The following CAPN12 variants were observed in gnomAD, a reference collection of about 807,000 sequenced individuals.
The protein encoded by CAPN12 is calpain 12.
In CAPN12, 107 loss-of-function variants were observed where a neutral mutation model predicts 95.0. The observed-to-expected ratio is 1.13, with a 90% CI of 0.96 to 1.32. The LOEUF (loss-of-function observed/expected upper bound fraction) is 1.32. Among genes scored for constraint, CAPN12 ranks in the 40% most tolerant of loss-of-function variants. The pLI, the probability that CAPN12 is intolerant of heterozygous loss-of-function variation, is 0.00. For synonymous variants in CAPN12, 505 were observed against 415.5 expected, an observed-to-expected ratio of 1.22 and a Z score of -2.62; for missense variants, 1,136 against 997.8, an observed-to-expected ratio of 1.14 and a Z score of -1.87.
In CAPN12 at chr19:38,740,188, C is replaced by T. The variant is rs541904434; in HGVS notation, c.592G>A (p.Gly198Ser). 4.8e-5 allele frequency: 78 copies of T among 1,611,040 alleles called. No individual in the cohort carries two copies. In the South Asian group the frequency reaches 5.0e-4, roughly 10 times the overall value. Residue 198 changes from glycine (G) to serine (S), a missense_variant, in exon 5 of 21, where the codon GGC (glycine) becomes AGC (serine). Gly to Ser is a moderately conservative substitution (Grantham distance 56). Transcript: ENST00000328867. ...LHGSYEVMRG[G>S]HMNEAFVDFT... ...TCCACAAAAGCCTCATTCATGTGGC[C>T]GCCCCGCATCACCTCATAGGAGCCG...
At position 38,735,421 on chromosome 19, in the gene CAPN12, G is replaced by GTT. The variant is rs1969956066; in HGVS notation, c.1634_1635insAA (p.Tyr545Ter). ...SADLQSLQGP[Y>*]LPLELGLEQL... is the part of the protein sequence containing the mutation. The stretch of plus-strand genomic sequence containing the variant: ...GCTCCAACCCCAGCTCCAGGGGCAG[G>GTT]TAGGGGCCCTGCCGCATGGCGGAAG... The change falls in exon 14 of 21, where the codon TAC becomes TAAAC. Residue 545 changes from tyrosine to a stop codon, truncating the protein, a stop_gained and frameshift_variant. Transcript: ENST00000328867. LOFTEE classifies it high-confidence loss of function. 6.2e-7 allele frequency: 1 copy of GTT among 1,610,748 alleles called. No individual in the cohort carries two copies. Among genetic ancestry groups the GTT allele is most frequent in the Non-Finnish European group, 8.5e-7 (1 of 1,178,964 alleles).
Position 38,743,433 on chromosome 19 carries a change from G to A in CAPN12, c.238-331C>T, listed in dbSNP as rs7507791. 9.8e-4 allele frequency among the ~76,000 whole-genome samples: 99 copies of A among 101,196 alleles called. 1 individual carries two copies. The highest frequency in any genetic ancestry group is 3.5e-3 in the African/African-American group (95 of 26,940). 66.4% of individuals were successfully genotyped at this position (101,196 alleles called of 152,430 possible). A position where few individuals can be genotyped will look rare whatever the true frequency, so the allele number is the denominator to read the frequency against. The stretch of plus-strand genomic sequence containing the variant: ...AGCCCCTCCTCCCTCAGACCCAGGA[G>A]TCCAGGCCCAGCCCCTCCTCCCTCA... On this transcript the variant is annotated intron_variant, in intron 1 of 20. Coordinates refer to ENST00000328867, the MANE Select transcript of CAPN12 (RefSeq NM_144691.4).
At position 38,743,954 on chromosome 19, in the gene CAPN12, T is replaced by C; in HGVS notation, c.212A>G (p.Lys71Arg). ...DQLGPDSEKA[K>R]GVKWMRPHEF... ...ATGGGGCCTCATCCATTTCACGCCTTTGGCCTTCTCCGAGTCCGGCCCCAG... is the reference window on the plus strand; with the variant it reads ...ATGGGGCCTCATCCATTTCACGCCTCTGGCCTTCTCCGAGTCCGGCCCCAG... Residue 71 changes from lysine to arginine, a missense_variant, in exon 1 of 21, where the codon AAA (lysine) becomes AGA (arginine). By Grantham distance (26) the Lys-to-Arg change is conservative (BLOSUM62 2). Coordinates refer to ENST00000328867, the MANE Select transcript of CAPN12 (RefSeq NM_144691.4). 2 of 1,614,198 alleles carry C rather than the reference T, an allele frequency of 1.2e-6. No homozygotes were observed. The highest frequency in any genetic ancestry group is 8.5e-7 in the Non-Finnish European group (1 of 1,180,028).
rs770935208 is a variant in CAPN12 at position 38,731,083 on chromosome 19, C to T, written c.2074+24G>A. 48 of 1,097,534 alleles carry T rather than the reference C, an allele frequency of 4.4e-5. No individual in the cohort carries two copies. In the South Asian group the frequency reaches 6.9e-4, roughly 16 times the overall value. The allele number at this position is 1,097,534 out of a possible 1,614,324, so 68.0% of individuals were successfully genotyped here. A position where few individuals can be genotyped will look rare whatever the true frequency, so the allele number is the denominator to read the frequency against. Reference sequence around the variant, plus strand: ...TCCCCGTACCCCTTCCCCCCATGCCCCACCATGCCGGGGTGGTACTCACAG... The same window carrying T: ...TCCCCGTACCCCTTCCCCCCATGCCTCACCATGCCGGGGTGGTACTCACAG... On this transcript the variant is annotated intron_variant, in intron 19 of 20. Transcript: ENST00000328867.
rs571512600 is a variant in CAPN12 at position 38,744,245 on chromosome 19, C to A, written c.-80G>T. On this transcript the variant is annotated 5_prime_UTR_variant, in exon 1 of 21. Transcript: ENST00000328867. ...GGGCGGGGCCTCTCTTCCATTGGAG[C>A]CCCAGTGGGGTCTTTAGGCAATGAG... is the stretch of plus-strand genomic sequence containing the variant. 5 of 1,336,806 alleles carry A rather than the reference C, an allele frequency of 3.7e-6. No individual in the cohort carries two copies. Among genetic ancestry groups the A allele is most frequent in the Non-Finnish European group, 5.3e-6 (5 of 938,820 alleles). 82.8% of individuals were successfully genotyped at this position (1,336,806 alleles called of 1,614,324 possible). A position where few individuals can be genotyped will look rare whatever the true frequency, so the allele number is the denominator to read the frequency against.
chr19:38,736,015 GGGGGT>G (rs1970101586), intron 12 of CAPN12, 90 bp downstream of exon 12: 1 of 51,362 alleles, frequency 1.9e-5, no homozygotes, highest in East Asian at 2.5e-4. Flanking sequence ...GTCAGGTCTC[GGGGGT>G]CTCGGGGGTC....
chr19:38,740,727 G>A (rs564504090), intron 4 of CAPN12, among the ~76,000 whole-genome samples: 2 of 152,066 alleles, frequency 1.3e-5, no homozygotes, highest in Non-Finnish European at 2.9e-5. Context: ...TTGAACTCGG[G>A]AGGCGAAGGT....
rs538407491 is a variant in CAPN12 at position 38,735,595 on chromosome 19, G to A, written c.1584-51C>T. 831 of 1,588,524 alleles carry A rather than the reference G, an allele frequency of 5.2e-4. 1 individual carries two copies. Among genetic ancestry groups the A allele is most frequent in the Non-Finnish European group, 6.1e-4 (708 of 1,168,730 alleles). On this transcript the variant is annotated intron_variant, in intron 12 of 20. Transcript: ENST00000328867. ...GAGGGGGCTGTTTGCCCCAGCTGGG[G>A]CTGTGTGGGACGGGGTCTCAGGTGA...
Position 38,736,232 on chromosome 19 carries a change from G to GCGGCGGGCGCTGAGGGGCGAGCGGT in CAPN12, c.1436_1460dup (p.Asp488ProfsTer35), listed in dbSNP as rs760456906. 161 of 1,495,108 alleles carry GCGGCGGGCGCTGAGGGGCGAGCGGT rather than the reference G, an allele frequency of 1.1e-4. No individual in the cohort carries two copies. The African/African-American group carries it at 1.4e-3, about 13-fold the overall frequency. 92.6% of individuals were successfully genotyped at this position (1,495,108 alleles called of 1,614,324 possible). On this transcript the variant is annotated frameshift_variant, in exon 12 of 21. Coordinates refer to ENST00000328867, the MANE Select transcript of CAPN12 (RefSeq NM_144691.4). LOFTEE classifies it high-confidence loss of function. ...GCAGGCAGCAGCGGCGGGTCACGTCGCGGCGGGCGCTGAGGGGCGAGCGGT... is the reference window on the plus strand; with the variant it reads ...GCAGGCAGCAGCGGCGGGTCACGTCGCGGCGGGCGCTGAGGGGCGAGCGGTCGGCGGGCGCTGAGGGGCGAGCGGT...
At chr19:38,736,887 CT>C in intron 10 of CAPN12, 3 of 399,728 alleles carry the variant, frequency 7.5e-6, no homozygotes, top group South Asian at 3.1e-5. Context: ...TCCCTCTCCC[CT>C]CTGAGACCTG....
At chr19:38,733,836 A>G in intron 17 of CAPN12, 55 bp from the exon 18 acceptor site, 7 of 1,451,154 alleles carry the variant, frequency 4.8e-6, no homozygotes, top group African/African-American at 1.4e-5. Flanking sequence ...AGGGCTGCCA[A>G]TGGGGCCTCC....
chr19:38,738,791 T>A, intron 5 of CAPN12, 143 bp from the exon 6 acceptor site: 1 of 686,832 alleles, frequency 1.5e-6, no homozygotes, highest in Non-Finnish European at 2.5e-6. Context: ...CATGTCAGGG[T>A]TAGTGACTGA....
intron 1 of CAPN12, among the ~76,000 whole-genome samples, chr19:38,743,573 C>T (rs4802774): frequency 1.0e-5 from 1 of 97,854 alleles, no homozygotes; most frequent in Non-Finnish European, 2.3e-5. Flanking sequence ...CCTCAGACCC[C>T]GGAGTCCAGG....
At position 38,738,676 on chromosome 19, in the gene CAPN12, A is replaced by G. The variant is rs12983550; in HGVS notation, c.730-28T>C. ...GGGCAGGGGATGGGATGGTGAGGCC[A>G]AGGTAGGGGACAGGAGGGCAGCTGC... is the stretch of plus-strand genomic sequence containing the variant. On this transcript the variant is annotated intron_variant, in intron 5 of 20. Coordinates refer to ENST00000328867, the MANE Select transcript of CAPN12 (RefSeq NM_144691.4). 104,970 of 1,610,708 alleles carry G rather than the reference A, an allele frequency of 0.065. 3,772 individuals are homozygous for G. Among genetic ancestry groups the G allele is most frequent in the South Asian group, 0.1 (9,435 of 91,004 alleles).
At chr19:38,741,370 G>A (rs929142549) in intron 4 of CAPN12, among the ~76,000 whole-genome samples, 7 of 151,812 alleles carry the variant, frequency 4.6e-5, no homozygotes, top group Admixed American at 6.6e-5. Context: ...ATCAGGAGTT[G>A]GAGACCAGCC....
intron 15 of CAPN12, 138 bp downstream of exon 15, chr19:38,734,675 T>C: frequency 1.3e-6 from 1 of 763,598 alleles, no homozygotes; most frequent in South Asian, 1.9e-5. Context: ...TGCAGGGAGA[T>C]GCTGCCAGGC....
chr19:38,736,805 C>A (rs886536266), intron 10 of CAPN12: 2 of 594,034 alleles, frequency 3.4e-6, no homozygotes, highest in South Asian at 2.1e-5. Flanking sequence ...GCCCTTCTAA[C>A]CCCCAGCCTC....
rs772338763 is a variant in CAPN12, at chr19:38,744,129, C to G, written c.37G>C (p.Val13Leu). 6.2e-7 allele frequency: 1 copy of G among 1,614,140 alleles called. No homozygotes were observed. Among genetic ancestry groups the G allele is most frequent in the Admixed American group, 1.7e-5 (1 of 60,020 alleles). ...SSSGRVTIQL[V>L]DEEAGVGAGR... ...GCTCCGACCCCAGCCTCCTCATCCA[C>G]GAGCTGGATGGTGACCCTCCCACTG... is the stretch of plus-strand genomic sequence containing the variant. The change falls in exon 1 of 21, where the codon GTG becomes CTG. Residue 13 changes from valine to leucine, a missense_variant. By Grantham distance (32) the Val-to-Leu change is conservative. Coordinates refer to ENST00000328867, the MANE Select transcript of CAPN12 (RefSeq NM_144691.4).
In CAPN12 at chr19:38,730,990, C is replaced by A. The variant is rs1490650059; in HGVS notation, c.2108G>T (p.Gly703Val). 1 of 1,551,494 alleles carries A rather than the reference C, an allele frequency of 6.4e-7. No individual in the cohort carries two copies. Among genetic ancestry groups the A allele is most frequent in the African/African-American group, 1.4e-5 (1 of 73,230 alleles). ...HCSQHLDGGE[G>V]VICLTHRQWM... Reference sequence around the variant, plus strand: ...CTGTCTGTGGGTCAGGCAGATGACCCCCTCACCCCCATCCAGGTGCTGGCT... The same window carrying A: ...CTGTCTGTGGGTCAGGCAGATGACCACCTCACCCCCATCCAGGTGCTGGCT... Residue 703 changes from glycine (G) to valine (V), a missense_variant, in exon 20 of 21, where the codon GGG becomes GTG. Coordinates refer to ENST00000328867, the MANE Select transcript of CAPN12 (RefSeq NM_144691.4).
Sources: gnomAD v4.1 joint callset for allele counts (sites outside exome capture counted in the v4.1 genomes callset) on GRCh38, gnomAD v4.1.1 for gene constraint, MANE v1.5 for transcripts, NCBI Gene and HGNC (gene_info 2026-07-23, HGNC 2026-07-21) for gene names.